ZFHX3: variants seen among roughly 807,000 people sequenced by gnomAD.
ZFHX3 encodes zinc finger homeobox 3, also known as zinc finger homeobox protein 3.
ZFHX3 carries 42 observed loss-of-function variants against 279.1 expected under a neutral mutation model. The ratio of observed to expected loss-of-function variants is 0.15; its 90% CI spans 0.12 to 0.19. The LOEUF (loss-of-function observed/expected upper bound fraction) is 0.19, where lower values mean the gene tolerates loss of function less well. ZFHX3 is among the 10% of genes least tolerant of loss of function. ZFHX3 has a pLI of 1.00. For synonymous variants in ZFHX3, 2,293 were observed against 1,957.8 expected (o/e 1.17, Z -4.52); for missense variants, 4,981 against 4,754.0 (o/e 1.05, Z -1.40).
At chr16:73,823,279 G>T (rs1347032743) in intron 1 of ZFHX3, among the ~76,000 whole-genome samples, 1 of 152,130 alleles carries the variant, frequency 6.6e-6, no homozygotes, top group African/African-American at 2.4e-5. Context: ...ATGGCAGGCA[G>T]AGGAACTAAA....
At chr16:73,674,214 G>A (rs1052789014) in intron 2 of ZFHX3, among the ~76,000 whole-genome samples, 37 of 151,900 alleles carry the variant, frequency 2.4e-4, no homozygotes, top group African/African-American at 8.2e-4. Context: ...TAAAATAGAC[G>A]TCACTATAAA....
At chr16:73,407,884 T>C (rs1028915112) in intron 3 of ZFHX3, among the ~76,000 whole-genome samples, 1 of 152,192 alleles carries the variant, frequency 6.6e-6, no homozygotes, top group Non-Finnish European at 1.5e-5. Context: ...ATTCTTTTTA[T>C]GGCAAAATGC....
intron 7 of ZFHX3, among the ~76,000 whole-genome samples, chr16:72,801,853 AC>A (rs2036110803): frequency 6.6e-6 from 1 of 151,674 alleles, no homozygotes. Flanking sequence ...GTGAAAGGTC[AC>A]CGATTAATTT....
intron 4 of ZFHX3, among the ~76,000 whole-genome samples, chr16:73,306,494 A>AT (rs35752639): frequency 2.6e-5 from 4 of 151,690 alleles, no homozygotes; most frequent in South Asian, 2.1e-4. Context: ...TGATTTTTGT[A>AT]TTTTTTTTGG....
chr16:73,510,289 CA>C (rs1481958488), intron 2 of ZFHX3, among the ~76,000 whole-genome samples: 1 of 152,116 alleles, frequency 6.6e-6, no homozygotes, highest in Non-Finnish European at 1.5e-5. Flanking sequence ...TAGAATTTTA[CA>C]TTTCTCCATC....
chr16:73,569,153 G>A (rs984650941), intron 2 of ZFHX3, among the ~76,000 whole-genome samples: 92 of 152,116 alleles, frequency 6.0e-4, no homozygotes, highest in African/African-American at 2.1e-3. Context: ...TTCCCAAGCT[G>A]ACTTATAAGA....
At chr16:72,815,286 T>C (rs2036573672) in intron 5 of ZFHX3, among the ~76,000 whole-genome samples, 1 of 152,010 alleles carries the variant, frequency 6.6e-6, no homozygotes, top group Admixed American at 6.6e-5. Context: ...CAAGTGCTTA[T>C]AGTCCTAGCT....
chr16:73,368,406 G>T (rs1423710444), intron 3 of ZFHX3, among the ~76,000 whole-genome samples: 1 of 152,182 alleles, frequency 6.6e-6, no homozygotes, highest in Non-Finnish European at 1.5e-5. Flanking sequence ...TCCAAAGAGT[G>T]TGAATTCAGT....
At chr16:73,732,702 T>A (rs2053578676) in intron 1 of ZFHX3, among the ~76,000 whole-genome samples, 1 of 152,198 alleles carries the variant, frequency 6.6e-6, no homozygotes, top group Admixed American at 6.5e-5. Context: ...TCTAGACCCT[T>A]TCTAAGGGCA....
chr16:73,263,357 A>AT (rs1390547594), intron 4 of ZFHX3, among the ~76,000 whole-genome samples: 3 of 152,030 alleles, frequency 2.0e-5, no homozygotes, highest in East Asian at 3.9e-4. Flanking sequence ...ACTTATTTTT[A>AT]TTTTCATTTT....
chr16:72,859,359 G>C (rs1490977797), intron 4 of ZFHX3, among the ~76,000 whole-genome samples: 1 of 152,120 alleles, frequency 6.6e-6, no homozygotes, highest in African/African-American at 2.4e-5. Flanking sequence ...TGGGGCAAAG[G>C]GTTGCCTGTG....
At chr16:73,584,719 A>G (rs1326746566) in intron 2 of ZFHX3, among the ~76,000 whole-genome samples, 1 of 152,262 alleles carries the variant, frequency 6.6e-6, no homozygotes, top group African/African-American at 2.4e-5. Context: ...CAATTGCAAC[A>G]AAAGCAAAAA....
At chr16:73,695,250 T>TTG (rs1277423704) in intron 1 of ZFHX3, among the ~76,000 whole-genome samples, 6 of 151,338 alleles carry the variant, frequency 4.0e-5, no homozygotes, top group Non-Finnish European at 7.4e-5. Context: ...TTGTTTTTTT[T>TTG]TTTTGAGATG....
Position 72,958,050 on chromosome 16 carries a change from C to A in ZFHX3, c.2096G>T (p.Gly699Val), listed in dbSNP as rs747865929. ...CCCGCTTTTGCAGTAGACACAGGAG[C>A]CCCCCGGCTCCGGGTGCTTCTCCTT... ...HMKEKHPEPG[G>V]SCVYCKSGQP... The change falls in exon 2 of 10, where the codon GGC becomes GTC. Residue 699 changes from glycine to valine, a missense_variant. Physicochemically the swap from Gly to Val is moderately radical, Grantham distance 109 (BLOSUM62 -3). This residue lies in a region of ZFHX3 where 1,068 missense variants were observed against 935.2 expected (regional missense o/e 1.14). Transcript: ENST00000268489. 6.2e-7 allele frequency: 1 copy of A among 1,613,434 alleles called. No individual in the cohort carries two copies. The highest frequency in any genetic ancestry group is 1.1e-5 in the South Asian group (1 of 91,074).
chr16:73,065,852 T>C (rs1190740370), intron 8 of ZFHX3, among the ~76,000 whole-genome samples: 1 of 152,226 alleles, frequency 6.6e-6, no homozygotes, highest in Non-Finnish European at 1.5e-5. Context: ...CGAACAGATA[T>C]TTTTCCAAGG....
chr16:73,853,106 C>A (rs1206827870), intron 1 of ZFHX3, among the ~76,000 whole-genome samples: 3 of 152,066 alleles, frequency 2.0e-5, no homozygotes, highest in African/African-American at 7.2e-5. Flanking sequence ...CAGATAAATG[C>A]AAATTAAGAC....
At chr16:73,146,301 G>A (rs539425700) in intron 5 of ZFHX3, among the ~76,000 whole-genome samples, 38 of 152,238 alleles carry the variant, frequency 2.5e-4, no homozygotes, top group African/African-American at 6.0e-4. Flanking sequence ...GGTGGCACAT[G>A]CTTGTAGCCA....
In ZFHX3 at chr16:72,793,314, G is replaced by C; in HGVS notation, c.9368C>G (p.Pro3123Arg). ...GCTGTTGAGGCCCGGGAGCAACACAGGAGGAATGCCCTGGAGCGCTGGATA... is the reference window on the plus strand; with the variant it reads ...GCTGTTGAGGCCCGGGAGCAACACACGAGGAATGCCCTGGAGCGCTGGATA... ...TAYPALQGIP[P>R]VLLPGLNSPS... Residue 3123 changes from proline to arginine, a missense_variant, in exon 9 of 10, where the codon CCT becomes CGT. Coordinates refer to ENST00000268489, the MANE Select transcript of ZFHX3 (RefSeq NM_006885.4). The surrounding 1 kb of genome is among the most constrained non-coding windows in gnomAD (Gnocchi z 4.3). 6.2e-7 allele frequency: 1 copy of C among 1,614,152 alleles called. No homozygotes were observed. Among genetic ancestry groups the C allele is most frequent in the Non-Finnish European group, 8.5e-7 (1 of 1,180,002 alleles).
intron 2 of ZFHX3, among the ~76,000 whole-genome samples, chr16:73,518,876 G>C (rs969812096): frequency 7.2e-5 from 11 of 152,166 alleles, no homozygotes; most frequent in African/African-American, 2.7e-4. Context: ...AAACAGAACA[G>C]TGGCTATTAT....
Sources: gnomAD v4.1 joint callset for allele counts (sites outside exome capture counted in the v4.1 genomes callset) on GRCh38, gnomAD v4.1.1 for gene constraint, gnomAD v4.1.1 regional missense constraint, Gnocchi (gnomAD v3.1) non-coding constraint, MANE v1.5 for transcripts, NCBI Gene and HGNC (gene_info 2026-07-23, HGNC 2026-07-21) for gene names.